The following SLC9A8 variants were observed in gnomAD, a reference collection of about 807,000 sequenced individuals.
SLC9A8 encodes the protein sodium/hydrogen exchanger 8.
SLC9A8 carries 48 observed loss-of-function variants against 66.6 expected under a neutral mutation model. The ratio of observed to expected loss-of-function variants is 0.72; its 90% CI spans 0.57 to 0.92. The LOEUF (loss-of-function observed/expected upper bound fraction) is 0.92, where lower values mean the gene tolerates loss of function less well. Among genes scored for constraint, SLC9A8 ranks in the 40% least tolerant of loss-of-function variants. The pLI is 0.00. For missense variants in SLC9A8, 599 were observed against 747.3 expected (o/e 0.80, Z 2.31); for synonymous variants, 274 against 282.6 (o/e 0.97, Z 0.31).
At chr20:49,845,978 G>A (rs1330132329) in intron 5 of SLC9A8, among the ~76,000 whole-genome samples, 1 of 152,168 alleles carries the variant, frequency 6.6e-6, no homozygotes, top group Non-Finnish European at 1.5e-5. Context: ...GGGATTACAG[G>A]CACACGCCAC....
rs1363661086 is a variant in SLC9A8 at position 49,886,757 on chromosome 20, C to G, written c.1497C>G (p.Asn499Lys). 1 of 1,613,908 alleles carries G rather than the reference C, an allele frequency of 6.2e-7. No individual in the cohort carries two copies. Among genetic ancestry groups the G allele is most frequent in the Non-Finnish European group, 8.5e-7 (1 of 1,179,876 alleles). ...CGCCTTTCCTCCCTGCTCAGGGCAA[C>G]ACTGTGGAGTCGGAGCACCTGTCGG... Reference protein sequence around the residue: ...VNLSKTEKMGNTVESEHLSEL... With the variant: ...VNLSKTEKMGKTVESEHLSEL... The change falls in exon 15 of 16, where the codon AAC becomes AAG. Residue 499 changes from asparagine (N) to lysine (K), a missense_variant. Physicochemically the swap from Asn to Lys is moderately conservative, Grantham distance 94. Around this residue, in one of 2 missense-constraint regions of SLC9A8, gnomAD observed 467 missense variants for 626.5 expected, o/e 0.75. Transcript: ENST00000361573. The surrounding 1 kb of genome is among the most constrained non-coding windows in gnomAD (Gnocchi z 4.8).
chr20:49,845,527 G>A (rs1165063497), intron 5 of SLC9A8, among the ~76,000 whole-genome samples: 2 of 152,072 alleles, frequency 1.3e-5, no homozygotes, highest in Non-Finnish European at 2.9e-5. Context: ...CTCCCCCACT[G>A]GGGCCTTTCT....
At chr20:49,816,412 A>G (rs575485812) in intron 2 of SLC9A8, among the ~76,000 whole-genome samples, 1 of 151,580 alleles carries the variant, frequency 6.6e-6, no homozygotes, top group South Asian at 2.1e-4. Context: ...AGAGTGAGAC[A>G]CTGTCTTAAA....
intron 3 of SLC9A8, among the ~76,000 whole-genome samples, chr20:49,834,332 T>TGG (rs1338838161): frequency 1.2e-5 from 1 of 86,036 alleles, no homozygotes; most frequent in Non-Finnish European, 2.4e-5. Flanking sequence ...ATATATACTG[T>TGG]GTATATATAT....
In SLC9A8 at chr20:49,890,420, C is replaced by A. The variant is rs2090014458; in HGVS notation, c.*2484C>A. 1 of 152,116 alleles carries A rather than the reference C, an allele frequency of 6.6e-6. No homozygotes were observed. Among genetic ancestry groups the A allele is most frequent in the Non-Finnish European group, 1.5e-5 (1 of 68,038 alleles). 9.4% of individuals were successfully genotyped at this position (152,116 alleles called of 1,614,324 possible). A position where few individuals can be genotyped will look rare whatever the true frequency, so the allele number is the denominator to read the frequency against. ...ATCTTCCTGCGTGTGTATTTATTTT[C>A]TTCTGGGTCTAGGCCATGGTACAGG... On this transcript the variant is annotated 3_prime_UTR_variant, in exon 16 of 16. Transcript: ENST00000361573.
chr20:49,816,341 A>G (rs2086546563), intron 2 of SLC9A8, among the ~76,000 whole-genome samples: 1 of 151,774 alleles, frequency 6.6e-6, no homozygotes, highest in South Asian at 2.1e-4. Context: ...AATTGCTTGA[A>G]CCTGGGAGGC....
intron 11 of SLC9A8, among the ~76,000 whole-genome samples, chr20:49,876,456 G>A (rs1244098306): frequency 2.0e-5 from 3 of 152,160 alleles, no homozygotes; most frequent in Middle Eastern, 3.2e-3. Context: ...TAAAAGGCAC[G>A]TGCTCTTTGG....
At chr20:49,845,004 A>G (rs778566647) in intron 4 of SLC9A8, 32 bp from the exon 5 acceptor site, 18 of 1,459,590 alleles carry the variant, frequency 1.2e-5, no homozygotes, top group Non-Finnish European at 6.7e-6. Context: ...CACAAATTCC[A>G]TGCCCTTAAG....
intron 14 of SLC9A8, 96 bp downstream of exon 14, chr20:49,884,162 T>G (rs1294251514): frequency 8.5e-6 from 9 of 1,059,864 alleles, no homozygotes; most frequent in Admixed American, 2.0e-5. Flanking sequence ...GAGCCTTGCT[T>G]TCTTGCTTTG....
Position 49,886,863 on chromosome 20 carries a change from C to T in SLC9A8, c.1603C>T (p.Leu535=), listed in dbSNP as rs6012765. 8 of 1,614,168 alleles carry T rather than the reference C, an allele frequency of 5.0e-6. No individual in the cohort carries two copies. Among genetic ancestry groups the T allele is most frequent in the Non-Finnish European group, 5.9e-6 (7 of 1,180,002 alleles). The change falls in exon 15 of 16, where the codon CTG becomes TTG. Residue 535 remains leucine, a synonymous_variant. Transcript: ENST00000361573. This position sits in a 1 kb window ranked among gnomAD's most constrained non-coding sequence, Gnocchi z 4.8. The stretch of plus-strand genomic sequence containing the variant: ...CTTCGTGTGGCTGGACGCCAAGTAC[C>T]TGAACCCCTTCTTCACTCGGAGGCT... ...KGFVWLDAKY[L]NPFFTRRLTQ... is the part of the protein sequence containing the mutation.
intron 2 of SLC9A8, among the ~76,000 whole-genome samples, chr20:49,821,969 C>T (rs931425358): frequency 1.3e-5 from 2 of 152,096 alleles, no homozygotes; most frequent in South Asian, 4.1e-4. Flanking sequence ...GAATCTGACT[C>T]AATACTGCAG....
intron 6 of SLC9A8, among the ~76,000 whole-genome samples, chr20:49,850,386 G>A (rs2088195497): frequency 6.6e-6 from 1 of 152,196 alleles, no homozygotes; most frequent in African/African-American, 2.4e-5. Flanking sequence ...ATTAAGTTGA[G>A]GGTCAGGTAT....
intron 3 of SLC9A8, chr20:49,830,495 C>T (rs1187869877): frequency 3.9e-6 from 3 of 775,946 alleles, no homozygotes; most frequent in Non-Finnish European, 6.8e-6. Context: ...GAAAGTGCTA[C>T]GTGGACATGT....
chr20:49,883,809 T>C (rs761631343), intron 13 of SLC9A8, 37 bp from the exon 14 acceptor site: 1 of 1,552,674 alleles, frequency 6.4e-7, no homozygotes, highest in African/African-American at 1.4e-5. Flanking sequence ...CTGCTGCCTC[T>C]TCACTGTGTC....
rs765639749 is a variant in SLC9A8, at chr20:49,815,036, T to G, written c.55T>G (p.Phe19Val). Residue 19 changes from phenylalanine (F) to valine (V), a missense_variant, in exon 2 of 16, where the codon TTC becomes GTC. Transcript: ENST00000361573. ...GTTCCCCAATACAACTCATGAGGGT[T>G]TCAATGTCACCCTCCACACCACCCT... is the stretch of plus-strand genomic sequence containing the variant. Reference protein sequence around the residue: ...ERFPNTTHEGFNVTLHTTLVV... With the variant: ...ERFPNTTHEGVNVTLHTTLVV... 6.3e-7 allele frequency: 1 copy of G among 1,598,964 alleles called. No individual in the cohort carries two copies. Among genetic ancestry groups the G allele is most frequent in the South Asian group, 1.1e-5 (1 of 88,902 alleles).
chr20:49,856,820 CAAAA>C (rs143064218), intron 8 of SLC9A8, among the ~76,000 whole-genome samples: 1 of 99,176 alleles, frequency 1.0e-5, no homozygotes, highest in Non-Finnish European at 2.2e-5. Context: ...GACTCCGTCT[CAAAA>C]AAAAAAAAAA....
chr20:49,886,855 C>T lies in SLC9A8; in HGVS notation c.1595C>T (p.Ala532Val), dbSNP rs370053241. ...QDLKGFVWLD[A>V]KYLNPFFTRR... ...CTTAAGGGCTTCGTGTGGCTGGACG[C>T]CAAGTACCTGAACCCCTTCTTCACT... Residue 532 changes from alanine (A) to valine (V), a missense_variant, in exon 15 of 16, where the codon GCC becomes GTC. This residue lies in a region of SLC9A8 where 467 missense variants were observed against 626.5 expected (regional missense o/e 0.75). Transcript: ENST00000361573. This position sits in a 1 kb window ranked among gnomAD's most constrained non-coding sequence, Gnocchi z 4.8. 4.2e-5 allele frequency: 68 copies of T among 1,614,048 alleles called. No individual in the cohort carries two copies. The highest frequency in any genetic ancestry group is 5.6e-5 in the Non-Finnish European group (66 of 1,180,016).
intron 3 of SLC9A8, chr20:49,831,075 G>T: frequency 1.5e-6 from 1 of 688,194 alleles, no homozygotes; most frequent in Non-Finnish European, 2.7e-6. Context: ...TCCTGAGCCT[G>T]CATACACTAA....
chr20:49,886,753 G>A lies in SLC9A8; in HGVS notation c.1493G>A (p.Gly498Asp). ...DVNLSKTEKM[G>D]NTVESEHLSE... is the part of the protein sequence containing the mutation. ...GGGCCGCCTTTCCTCCCTGCTCAGG[G>A]CAACACTGTGGAGTCGGAGCACCTG... is the stretch of plus-strand genomic sequence containing the variant. The change falls in exon 15 of 16, where the codon GGC (glycine) becomes GAC (aspartate). Residue 498 changes from glycine to aspartate, a missense_variant and splice_region_variant. Transcript: ENST00000361573. This position sits in a 1 kb window ranked among gnomAD's most constrained non-coding sequence, Gnocchi z 4.8. The A allele has an allele frequency of 6.2e-7, 1 of 1,613,814 alleles. No individual in the cohort carries two copies. Among genetic ancestry groups the A allele is most frequent in the South Asian group, 1.1e-5 (1 of 91,010 alleles).
Sources: allele counts gnomAD v4.1 joint callset (sites outside exome capture counted in the v4.1 genomes callset), GRCh38; gene constraint gnomAD v4.1.1; regional missense constraint gnomAD v4.1.1; non-coding constraint Gnocchi (gnomAD v3.1); transcripts MANE v1.5; gene names NCBI Gene and HGNC (gene_info 2026-07-23, HGNC 2026-07-21).